The following LARP4B variants were observed in gnomAD, a reference collection of about 807,000 sequenced individuals.
LARP4B encodes the protein La ribonucleoprotein 4B.
A neutral mutation model predicts 89.8 loss-of-function variants in LARP4B; 12 were observed. The observed-to-expected ratio is 0.13, with a 90% CI of 0.09 to 0.22. The LOEUF (loss-of-function observed/expected upper bound fraction) is 0.22. Among genes scored for constraint, LARP4B ranks in the 10% least tolerant of loss-of-function variants. The pLI is 1.00. For missense variants in LARP4B, 757 were observed against 947.7 expected (o/e 0.80, Z 2.64); for synonymous variants, 367 against 363.3 (o/e 1.01, Z -0.12).
At chr10:905,666 G>C (rs1327326674) in intron 1 of LARP4B, among the ~76,000 whole-genome samples, 1 of 21,894 alleles carries the variant, frequency 4.6e-5, no homozygotes, top group East Asian at 6.0e-4. Flanking sequence ...GGGAGGGGAG[G>C]AGCTGAGGAG....
intron 1 of LARP4B, among the ~76,000 whole-genome samples, chr10:892,187 G>A (rs1398941212): frequency 6.6e-6 from 1 of 152,212 alleles, no homozygotes; most frequent in South Asian, 2.1e-4. Flanking sequence ...TACTGAATTG[G>A]ACAGGAGGAT....
chr10:914,339 T>C (rs1836757605), intron 1 of LARP4B, among the ~76,000 whole-genome samples: 1 of 152,132 alleles, frequency 6.6e-6, no homozygotes, highest in Non-Finnish European at 1.5e-5. Flanking sequence ...GTTTTTCCCT[T>C]GTACACAGAG....
chr10:891,093 T>A (rs1836005350), intron 1 of LARP4B, among the ~76,000 whole-genome samples: 1 of 152,018 alleles, frequency 6.6e-6, no homozygotes, highest in Non-Finnish European at 1.5e-5. Context: ...AATTGGAATT[T>A]ATATACCTCC....
the LARP4B span, among the ~76,000 whole-genome samples, chr10:964,689 A>G: frequency 6.6e-6 from 1 of 152,140 alleles, no homozygotes; most frequent in Admixed American, 6.5e-5. Context: ...GGGTTTCCTG[A>G]CCCCTCTGAA....
intron 1 of LARP4B, among the ~76,000 whole-genome samples, chr10:889,393 C>CA (rs1835951643): frequency 6.6e-6 from 1 of 152,102 alleles, no homozygotes; most frequent in Non-Finnish European, 1.5e-5. Context: ...CACACTCACT[C>CA]ACTCAGACTG....
At chr10:977,615 G>A in the LARP4B span, among the ~76,000 whole-genome samples, 12 of 151,878 alleles carry the variant, frequency 7.9e-5, no homozygotes, top group South Asian at 8.3e-4. Context: ...GATTATAGGC[G>A]TGAGCCAACG....
At chr10:851,840 G>A (rs1037752999) in intron 5 of LARP4B, among the ~76,000 whole-genome samples, 2 of 152,068 alleles carry the variant, frequency 1.3e-5, no homozygotes, top group African/African-American at 4.8e-5. Flanking sequence ...TGAGGTGAGC[G>A]GATCGCTTGA....
intron 8 of LARP4B, among the ~76,000 whole-genome samples, chr10:832,741 G>C (rs577710311): frequency 6.6e-6 from 1 of 152,120 alleles, no homozygotes; most frequent in East Asian, 1.9e-4. Context: ...CATAAATAAA[G>C]GTGAAATAAG....
chr10:966,005 A>G, the LARP4B span, among the ~76,000 whole-genome samples: 3 of 151,602 alleles, frequency 2.0e-5, no homozygotes, highest in African/African-American at 7.3e-5. Flanking sequence ...GCAGAAAGGG[A>G]CTTACGTGTA....
At chr10:900,618 C>CTTTTTTTTT (rs907868624) in intron 1 of LARP4B, among the ~76,000 whole-genome samples, 1 of 118,994 alleles carries the variant, frequency 8.4e-6, no homozygotes, top group Admixed American at 8.9e-5. Flanking sequence ...GATATATTTC[C>CTTTTTTTTT]TTTTTTTTTT....
At chr10:958,291 G>A in the LARP4B span, among the ~76,000 whole-genome samples, 1 of 152,170 alleles carries the variant, frequency 6.6e-6, no homozygotes, top group Non-Finnish European at 1.5e-5. Context: ...TCTGGGACCT[G>A]ACTATCTGAC....
chr10:869,307 T>C (rs1835073737), intron 3 of LARP4B, among the ~76,000 whole-genome samples: 1 of 152,136 alleles, frequency 6.6e-6, no homozygotes, highest in African/African-American at 2.4e-5. Flanking sequence ...TCGAATCAAC[T>C]ACACTGCCCA....
chr10:830,950 T>A lies in LARP4B; in HGVS notation c.778A>T (p.Asn260Tyr). The change falls in exon 9 of 18, where the codon AAT (asparagine) becomes TAT (tyrosine). Residue 260 changes from asparagine to tyrosine, a missense_variant. This residue lies in a region of LARP4B where 137 missense variants were observed against 213.9 expected (regional missense o/e 0.64). Coordinates refer to ENST00000316157, the MANE Select transcript of LARP4B (RefSeq NM_015155.3). ...TCACAGTTTATAAATTTTGGTAAATTATCTCCTTTAAATAGTGCTTCTACT... is the reference window on the plus strand; with the variant it reads ...TCACAGTTTATAAATTTTGGTAAATAATCTCCTTTAAATAGTGCTTCTACT... Reference protein sequence around the residue: ...EEVEALFKGDNLPKFINCEFA... With the variant: ...EEVEALFKGDYLPKFINCEFA... 1 of 1,214,724 alleles carries A rather than the reference T, an allele frequency of 8.2e-7. No homozygotes were observed. Among genetic ancestry groups the A allele is most frequent in the Non-Finnish European group, 1.2e-6 (1 of 820,242 alleles). 75.2% of individuals were successfully genotyped at this position (1,214,724 alleles called of 1,614,324 possible).
chr10:936,615 C>G (rs1256570648), upstream of LARP4B, among the ~76,000 whole-genome samples: 1 of 152,124 alleles, frequency 6.6e-6, no homozygotes, highest in Non-Finnish European at 1.5e-5. Flanking sequence ...CCCAGCTACT[C>G]GTGAGGCTGA....
the LARP4B span, chr10:986,655 C>G: frequency 6.6e-6 from 1 of 152,196 alleles, no homozygotes; most frequent in Non-Finnish European, 1.5e-5. Flanking sequence ...TGTAGCTGAA[C>G]AAGTTAAAAG....
chr10:964,042 G>C, the LARP4B span, among the ~76,000 whole-genome samples: 6 of 152,102 alleles, frequency 3.9e-5, no homozygotes, highest in African/African-American at 1.4e-4. Context: ...TATAAACCTG[G>C]CTGTGAGTTG....
At chr10:897,975 G>A (rs1207367088) in intron 1 of LARP4B, among the ~76,000 whole-genome samples, 3 of 121,416 alleles carry the variant, frequency 2.5e-5, no homozygotes, top group African/African-American at 3.2e-5. Flanking sequence ...GCGACAAAGC[G>A]AGGCTCCATC....
chr10:888,687 C>T (rs1046474076), intron 1 of LARP4B, among the ~76,000 whole-genome samples: 1 of 152,164 alleles, frequency 6.6e-6, no homozygotes, highest in Admixed American at 6.5e-5. Flanking sequence ...AAGACAATTA[C>T]GTACCTAATT....
At chr10:934,472 AGAGC>A (rs755768702), upstream of LARP4B, among the ~76,000 whole-genome samples, 26 of 152,232 alleles carry the variant, frequency 1.7e-4, no homozygotes, top group Non-Finnish European at 2.6e-4. Context: ...CCTGGGTGAC[AGAGC>A]GAGACCCTGT....
Sources: gnomAD v4.1 joint callset for allele counts (sites outside exome capture counted in the v4.1 genomes callset) on GRCh38, gnomAD v4.1.1 for gene constraint, gnomAD v4.1.1 regional missense constraint, MANE v1.5 for transcripts, NCBI Gene and HGNC (gene_info 2026-07-23, HGNC 2026-07-21) for gene names.